Variants in BOK observed in about 807,000 individuals in gnomAD.
BOK encodes BCL2 family apoptosis regulator BOK.
Under a neutral mutation model 18.3 loss-of-function variants are expected in BOK, and 20 were observed. The ratio of observed to expected loss-of-function variants is 1.09; its 90% CI spans 0.77 to 1.59. The LOEUF (loss-of-function observed/expected upper bound fraction) is 1.59, where lower values mean the gene tolerates loss of function less well. Among genes scored for constraint, BOK ranks in the 40% most tolerant of loss-of-function variants. The probability of loss-of-function intolerance (pLI) is 0.00; values close to 1 mark genes in which losing one functional copy is unlikely to be tolerated. For missense variants in BOK, 348 were observed against 307.9 expected, an observed-to-expected ratio of 1.13 and a Z score of -0.97; for synonymous variants, 173 against 142.4, an observed-to-expected ratio of 1.21 and a Z score of -1.53.
Position 241,559,597 on chromosome 2 carries a change from CGT to C in BOK, c.116_117del (p.Val39AlafsTer26), listed in dbSNP as rs749618773. On this transcript the variant is annotated frameshift_variant, in exon 2 of 5. Coordinates refer to ENST00000318407, the MANE Select transcript of BOK (RefSeq NM_032515.5). LOFTEE classifies it high-confidence loss of function. ...AQAKALGREY[V>X]HARLLRAGLS... ...AGGCCAAGGCGCTGGGCCGGGAGTA[CGT>C]GCACGCGCGGCTGCTGCGCGCCGGC... 1 of 1,492,858 alleles carries C rather than the reference CGT, an allele frequency of 6.7e-7. No individual in the cohort carries two copies. The highest frequency in any genetic ancestry group is 8.9e-7 in the Non-Finnish European group (1 of 1,129,184). The allele number at this position is 1,492,858 out of a possible 1,614,324, so 92.5% of individuals were successfully genotyped here.
chr2:241,559,164 C>A (rs1373927782), intron 1 of BOK, among the ~76,000 whole-genome samples, 171 bp downstream of exon 1: 1 of 151,160 alleles, frequency 6.6e-6, no homozygotes, highest in Non-Finnish European at 1.5e-5. Context: ...GCTGTGCCCT[C>A]CGCCCCCGCC....
upstream of BOK, among the ~76,000 whole-genome samples, chr2:241,556,222 G>A (rs577524311): frequency 1.3e-5 from 2 of 152,302 alleles, no homozygotes; most frequent in East Asian, 3.9e-4. Context: ...AGATTTTACT[G>A]TACTACAGCT....
At chr2:241,561,471 G>C (rs1300829978) in intron 2 of BOK, among the ~76,000 whole-genome samples, 1 of 138,644 alleles carries the variant, frequency 7.2e-6, no homozygotes, top group Non-Finnish European at 1.6e-5. Flanking sequence ...TGGCAGTGCG[G>C]GTGGCCCAGG....
At chr2:241,553,380 G>C (rs1365115703) in intron 1 of BOK, among the ~76,000 whole-genome samples, 1 of 152,182 alleles carries the variant, frequency 6.6e-6, no homozygotes, top group African/African-American at 2.4e-5. Flanking sequence ...TCCAACTCCT[G>C]ACTTCAGGTG....
chr2:241,557,517 G>A (rs1166561065), upstream of BOK, among the ~76,000 whole-genome samples: 2 of 151,902 alleles, frequency 1.3e-5, no homozygotes, highest in Non-Finnish European at 2.9e-5. Flanking sequence ...TCACCATTTT[G>A]ACCCGGCTGG....
intron 2 of BOK, among the ~76,000 whole-genome samples, chr2:241,561,030 G>A (rs988345773): frequency 6.6e-6 from 1 of 152,220 alleles, no homozygotes; most frequent in African/African-American, 2.4e-5. Flanking sequence ...GGAGATCTGT[G>A]TTTGGGAGCT....
chr2:241,556,444 C>T (rs113971945), upstream of BOK, among the ~76,000 whole-genome samples: 19,174 of 152,066 alleles, frequency 0.13, 1,466 homozygotes, highest in South Asian at 0.23. Context: ...ATTAGCCGGG[C>T]GTGGTGTCAG....
At chr2:241,569,698 T>C (rs1331918150) in intron 3 of BOK, among the ~76,000 whole-genome samples, 1 of 152,206 alleles carries the variant, frequency 6.6e-6, no homozygotes, top group Non-Finnish European at 1.5e-5. Context: ...TGCTCCCATC[T>C]CAGTTCAGCC....
chr2:241,572,237 G>A (rs547958076), intron 4 of BOK, 60 bp from the exon 5 acceptor site: 25 of 1,589,858 alleles, frequency 1.6e-5, no homozygotes, highest in Admixed American at 5.1e-5. Context: ...GGGGCCTGGC[G>A]GTGCTGGGGG....
At chr2:241,553,576 C>G (rs763087346) in intron 1 of BOK, among the ~76,000 whole-genome samples, 1 of 152,148 alleles carries the variant, frequency 6.6e-6, no homozygotes, top group Non-Finnish European at 1.5e-5. Context: ...AGGAAAGAGA[C>G]GTGTCTTACG....
chr2:241,571,910 C>T (rs931238997), intron 4 of BOK, among the ~76,000 whole-genome samples: 7 of 152,228 alleles, frequency 4.6e-5, no homozygotes, highest in South Asian at 2.1e-4. Context: ...AGGAGGATGA[C>T]GGCGGCATAC....
intron 3 of BOK, among the ~76,000 whole-genome samples, chr2:241,568,920 CT>C (rs2066659464): frequency 6.6e-6 from 1 of 152,196 alleles, no homozygotes; most frequent in African/African-American, 2.4e-5. Context: ...AGTGCTTCAT[CT>C]TTGCATGTAC....
Position 241,559,687 on chromosome 2 carries a change from G to C in BOK, c.204G>C (p.Ala68=). 2.3e-6 allele frequency: 3 copies of C among 1,332,660 alleles called. No individual in the cohort carries two copies. In the South Asian group the frequency reaches 6.0e-5, roughly 27 times the overall value. The allele number at this position is 1,332,660 out of a possible 1,614,324, so 82.6% of individuals were successfully genotyped here. ...PVPGRLAEVC[A]VLLRLGDELE... is the part of the protein sequence containing the mutation. The stretch of plus-strand genomic sequence containing the variant: ...CGGGACGCCTGGCTGAGGTGTGCGC[G>C]GTGCTGCTGCGCCTGGGTGAGTGCG... The change falls in exon 2 of 5, where the codon GCG becomes GCC. Residue 68 remains alanine, a synonymous_variant. Coordinates refer to ENST00000318407, the MANE Select transcript of BOK (RefSeq NM_032515.5).
rs547800079 is a variant in BOK at position 241,572,638 on chromosome 2, C to T, written c.*216C>T. On this transcript the variant is annotated 3_prime_UTR_variant, in exon 5 of 5. Transcript: ENST00000318407. ...TGGAGCTGGGCTTTGGGGCAGCCTG[C>T]GACCCTCCCCGCTTGTGTCCCTTCT... 57 of 645,458 alleles carry T rather than the reference C, an allele frequency of 8.8e-5. No individual in the cohort carries two copies. The East Asian group carries it at 1.3e-3, about 15-fold the overall frequency. The allele number at this position is 645,458 out of a possible 1,614,324, so 40.0% of individuals were successfully genotyped here.
At chr2:241,559,376 G>A (rs1028970710) in intron 1 of BOK, 79 bp from the exon 2 acceptor site, 3 of 919,390 alleles carry the variant, frequency 3.3e-6, no homozygotes, top group African/African-American at 3.5e-5. Context: ...CTTCCCGAGG[G>A]CCACGCCCAG....
intron 2 of BOK, 108 bp downstream of exon 2, chr2:241,559,811 C>T: frequency 2.5e-6 from 3 of 1,200,670 alleles, no homozygotes; most frequent in Middle Eastern, 3.1e-4. Context: ...CACCCCCTGC[C>T]TGGGACGGCC....
At chr2:241,552,339 C>T (rs866189805) in intron 1 of BOK, among the ~76,000 whole-genome samples, 4 of 152,156 alleles carry the variant, frequency 2.6e-5, no homozygotes, top group South Asian at 2.1e-4. Context: ...CCGCAGCACG[C>T]CCTGCACTCC....
chr2:241,560,106 C>T (rs904368958), intron 2 of BOK: 13 of 985,424 alleles, frequency 1.3e-5, no homozygotes, highest in Non-Finnish European at 1.6e-5. Flanking sequence ...CCGCCCGCTG[C>T]CCTCTGGATT....
chr2:241,563,426 G>A (rs1425260576), intron 3 of BOK, among the ~76,000 whole-genome samples: 1 of 152,210 alleles, frequency 6.6e-6, no homozygotes, highest in Non-Finnish European at 1.5e-5. Flanking sequence ...CTGCTGTTGG[G>A]GTGAGTGGTG....
Sources: allele counts gnomAD v4.1 joint callset (sites outside exome capture counted in the v4.1 genomes callset), GRCh38; gene constraint gnomAD v4.1.1; transcripts MANE v1.5; gene names NCBI Gene and HGNC (gene_info 2026-07-23, HGNC 2026-07-21).